STX7: variants seen among roughly 807,000 people sequenced by gnomAD.
STX7 encodes the protein syntaxin 7, also known as syntaxin-7.
STX7 carries 34 observed loss-of-function variants against 39.6 expected under a neutral mutation model. That is an observed-to-expected ratio of 0.86 (90% CI 0.65 to 1.14). The LOEUF (loss-of-function observed/expected upper bound fraction) is 1.14. Ranked by LOEUF, STX7 falls within the 50% of genes most tolerant of loss-of-function variation. The probability of loss-of-function intolerance (pLI) is 0.00; values close to 1 mark genes in which losing one functional copy is unlikely to be tolerated. For missense variants in STX7, 284 were observed against 310.4 expected, an observed-to-expected ratio of 0.92 and a Z score of 0.64; for synonymous variants, 119 against 99.1, an observed-to-expected ratio of 1.20 and a Z score of -1.19.
chr6:132,450,476 CT>C lies in STX7; in HGVS notation c.*10281del, dbSNP rs1353845227. 15 of 150,338 alleles carry C rather than the reference CT, an allele frequency of 1.0e-4. No homozygotes were observed. The highest frequency in any genetic ancestry group is 6.6e-5 in the Admixed American group (1 of 15,062). The allele number at this position is 150,338 out of a possible 1,614,324, so 9.3% of individuals were successfully genotyped here. A position where few individuals can be genotyped will look rare whatever the true frequency, so the allele number is the denominator to read the frequency against. Reference sequence around the variant, plus strand: ...AATCGGTTTCACCAAGTTATGTGTACTTTATTTATTTAAAGAGACCAACTTT... The same window carrying C: ...AATCGGTTTCACCAAGTTATGTGTACTTATTTATTTAAAGAGACCAACTTT... On this transcript the variant is annotated 3_prime_UTR_variant, in exon 10 of 10. Coordinates refer to ENST00000367941, the MANE Select transcript of STX7 (RefSeq NM_003569.3).
At chr6:132,491,036 A>G (rs1009001598) in intron 2 of STX7, among the ~76,000 whole-genome samples, 16 of 104,252 alleles carry the variant, frequency 1.5e-4, no homozygotes, top group Non-Finnish European at 3.4e-4. Flanking sequence ...GAGAGAATAG[A>G]GCCCTTGAGC....
chr6:132,469,788 G>A (rs1019601643), intron 7 of STX7, among the ~76,000 whole-genome samples, 163 bp downstream of exon 7: 7 of 152,124 alleles, frequency 4.6e-5, no homozygotes, highest in Admixed American at 6.5e-5. Context: ...GCAGTGAGCC[G>A]AGATTCCACC....
At chr6:132,504,169 T>A (rs1209104195) in intron 1 of STX7, among the ~76,000 whole-genome samples, 2 of 152,174 alleles carry the variant, frequency 1.3e-5, no homozygotes, top group Non-Finnish European at 2.9e-5. Flanking sequence ...AACCTTAATA[T>A]CTAATTTAAC....
At position 132,453,216 on chromosome 6, in the gene STX7, C is replaced by G. The variant is rs998731275; in HGVS notation, c.*7542G>C. Reference sequence around the variant, plus strand: ...ATAGGCAACAACAAAAAAAATGAACCCAGACCTAAGTCTCACATTTTATAC... The same window carrying G: ...ATAGGCAACAACAAAAAAAATGAACGCAGACCTAAGTCTCACATTTTATAC... On this transcript the variant is annotated 3_prime_UTR_variant, in exon 10 of 10. Transcript: ENST00000367941. 2 of 151,928 alleles carry G rather than the reference C, an allele frequency of 1.3e-5. No homozygotes were observed. Among genetic ancestry groups the G allele is most frequent in the African/African-American group, 2.4e-5 (1 of 41,378 alleles). 9.4% of individuals were successfully genotyped at this position (151,928 alleles called of 1,614,324 possible). A position where few individuals can be genotyped will look rare whatever the true frequency, so the allele number is the denominator to read the frequency against.
chr6:132,470,692 CA>C (rs1163827330), intron 5 of STX7, 66 bp from the exon 6 acceptor site: 2 of 1,129,926 alleles, frequency 1.8e-6, no homozygotes, highest in Non-Finnish European at 2.7e-6. Context: ...AAAAAATAAA[CA>C]CTCATATTTT....
At chr6:132,506,572 T>C (rs2114482362) in intron 1 of STX7, among the ~76,000 whole-genome samples, 1 of 152,186 alleles carries the variant, frequency 6.6e-6, no homozygotes, top group East Asian at 1.9e-4. Flanking sequence ...ACAGTCAGAA[T>C]GGCTATTAAA....
In STX7 at chr6:132,449,614, A is replaced by G. The variant is rs942691050; in HGVS notation, c.*11144T>C. Reference sequence around the variant, plus strand: ...GCTGCAATATGTTGTTTCCTCAGTTAAAACTTGATAGTCAACAATTCCTTT... The same window carrying G: ...GCTGCAATATGTTGTTTCCTCAGTTGAAACTTGATAGTCAACAATTCCTTT... On this transcript the variant is annotated 3_prime_UTR_variant, in exon 10 of 10. Coordinates refer to ENST00000367941, the MANE Select transcript of STX7 (RefSeq NM_003569.3). 1 of 152,168 alleles carries G rather than the reference A, an allele frequency of 6.6e-6. No homozygotes were observed. The highest frequency in any genetic ancestry group is 2.4e-5 in the African/African-American group (1 of 41,448). The allele number at this position is 152,168 out of a possible 1,614,324, so 9.4% of individuals were successfully genotyped here.
At chr6:132,509,279 G>A (rs1302187297) in intron 1 of STX7, among the ~76,000 whole-genome samples, 2 of 151,840 alleles carry the variant, frequency 1.3e-5, no homozygotes, top group Non-Finnish European at 2.9e-5. Flanking sequence ...CCAACATGGT[G>A]AAATCTCATC....
intron 6 of STX7, 23 bp from the exon 7 acceptor site, chr6:132,470,070 G>A: frequency 2.0e-6 from 3 of 1,538,062 alleles, no homozygotes; most frequent in Non-Finnish European, 2.6e-6. Context: ...AATGAATGTG[G>A]AAAAAAACAA....
intron 2 of STX7, among the ~76,000 whole-genome samples, chr6:132,502,530 T>A (rs1775594307): frequency 6.6e-6 from 1 of 152,186 alleles, no homozygotes; most frequent in South Asian, 2.1e-4. Flanking sequence ...TTAATACATA[T>A]CCTGACGATG....
intron 9 of STX7, 32 bp downstream of exon 9, chr6:132,463,959 TAA>T: frequency 6.2e-7 from 1 of 1,600,104 alleles, no homozygotes; most frequent in Non-Finnish European, 8.6e-7. Context: ...ACGAAAAGGA[TAA>T]GTTATAAGAA....
In STX7 at chr6:132,460,776, TATG is replaced by T. The variant is rs763379758; in HGVS notation, c.765_767del (p.Ile256del). On this transcript the variant is annotated inframe_deletion, in exon 10 of 10. Transcript: ENST00000367941. ...TATAACTTCAGTGGTTCAATCCCCA[TATG>T]ATGAGACTGATAATCGCAACTCCAA... The T allele has an allele frequency of 1.9e-6, 3 of 1,613,310 alleles. No individual in the cohort carries two copies. Among genetic ancestry groups the T allele is most frequent in the South Asian group, 2.2e-5 (2 of 91,040 alleles).
At chr6:132,472,160 GAATT>G in intron 4 of STX7, 118 bp downstream of exon 4, 3 of 723,846 alleles carry the variant, frequency 4.1e-6, no homozygotes, top group Non-Finnish European at 6.6e-6. Flanking sequence ...ATCTCAAACA[GAATT>G]ATTTTTGATT....
At chr6:132,502,723 C>A (rs1221381431) in intron 2 of STX7, among the ~76,000 whole-genome samples, 2 of 152,166 alleles carry the variant, frequency 1.3e-5, no homozygotes, top group Non-Finnish European at 2.9e-5. Context: ...CACGGTGAAA[C>A]CCCGTCTCTA....
chr6:132,488,636 C>T (rs1775200148), intron 2 of STX7, among the ~76,000 whole-genome samples: 2 of 151,898 alleles, frequency 1.3e-5, no homozygotes, highest in Non-Finnish European at 2.9e-5. Flanking sequence ...TACTTGAGTG[C>T]TAATACTTAA....
chr6:132,465,083 T>C (rs1393517973), intron 8 of STX7, among the ~76,000 whole-genome samples: 1 of 152,120 alleles, frequency 6.6e-6, no homozygotes, highest in Non-Finnish European at 1.5e-5. Context: ...CTCCAACACT[T>C]CTCTTATACA....
At chr6:132,487,998 G>A (rs553977272) in intron 2 of STX7, among the ~76,000 whole-genome samples, 2 of 152,224 alleles carry the variant, frequency 1.3e-5, no homozygotes, top group South Asian at 4.1e-4. Flanking sequence ...CATGATTTGA[G>A]ACCTGTCTTC....
chr6:132,494,898 AC>A (rs989060145), intron 2 of STX7, among the ~76,000 whole-genome samples: 13 of 152,240 alleles, frequency 8.5e-5, no homozygotes, highest in African/African-American at 3.1e-4. Flanking sequence ...AGTGAGGAGA[AC>A]AATTTGGAGA....
At chr6:132,484,953 CTGT>C in intron 2 of STX7, among the ~76,000 whole-genome samples, 1 of 152,294 alleles carries the variant, frequency 6.6e-6, no homozygotes, top group South Asian at 2.1e-4. Flanking sequence ...TCAACAGAGT[CTGT>C]TGTTCTCTTG....
Sources: allele counts gnomAD v4.1 joint callset (sites outside exome capture counted in the v4.1 genomes callset), GRCh38; gene constraint gnomAD v4.1.1; transcripts MANE v1.5; gene names NCBI Gene and HGNC (gene_info 2026-07-23, HGNC 2026-07-21).